The following USP28 variants were observed in gnomAD, a reference collection of about 807,000 sequenced individuals.
The protein encoded by USP28 is ubiquitin specific peptidase 28.
A neutral mutation model predicts 145.0 loss-of-function variants in USP28; 113 were observed. The ratio of observed to expected loss-of-function variants is 0.78; its 90% CI spans 0.67 to 0.91. The LOEUF is 0.91. Ranked by LOEUF, USP28 falls within the 40% of genes least tolerant of loss-of-function variation. The probability of loss-of-function intolerance (pLI) is 0.00; values close to 1 mark genes in which losing one functional copy is unlikely to be tolerated. For synonymous variants in USP28, 447 were observed against 450.9 expected, an observed-to-expected ratio of 0.99 and a Z score of 0.11; for missense variants, 1,201 against 1,289.6, an observed-to-expected ratio of 0.93 and a Z score of 1.05.
chr11:113,839,571 AAAT>A (rs1490819033), intron 5 of USP28, among the ~76,000 whole-genome samples: 2 of 151,968 alleles, frequency 1.3e-5, no homozygotes, highest in African/African-American at 4.8e-5. Flanking sequence ...ATAACTAAAT[AAAT>A]AATAAAAATA....
At chr11:113,837,308 T>C (rs935905105) in intron 5 of USP28, among the ~76,000 whole-genome samples, 1 of 152,216 alleles carries the variant, frequency 6.6e-6, no homozygotes, top group African/African-American at 2.4e-5. Context: ...ATAGAGCAGG[T>C]GTTCAATTGT....
chr11:113,848,460 T>C (rs1355465582), intron 3 of USP28, among the ~76,000 whole-genome samples: 1 of 152,158 alleles, frequency 6.6e-6, no homozygotes, highest in Non-Finnish European at 1.5e-5. Flanking sequence ...CAAAGCCTTA[T>C]GTACACCAGT....
At position 113,823,619 on chromosome 11, in the gene USP28, C is replaced by T. The variant is rs932832262; in HGVS notation, c.1269G>A (p.Gln423=). ...CCAAAACTCACCTTTCCAATTTTTGCTGCAGAATTTTTATTTCCTCCTTCA... is the reference window on the plus strand; with the variant it reads ...CCAAAACTCACCTTTCCAATTTTTGTTGCAGAATTTTTATTTCCTCCTTCA... Residue 423 remains glutamine (Q), a synonymous_variant, in exon 12 of 25, where the codon CAG becomes CAA. Coordinates refer to ENST00000003302, the Ensembl canonical transcript of USP28. The T allele has an allele frequency of 4.3e-6, 7 of 1,611,360 alleles. No individual in the cohort carries two copies. The Admixed American group carries it at 5.0e-5, about 12-fold the overall frequency.
At chr11:113,818,359 G>A (rs1288172495) in intron 12 of USP28, among the ~76,000 whole-genome samples, 3 of 151,848 alleles carry the variant, frequency 2.0e-5, no homozygotes, top group African/African-American at 7.3e-5. Flanking sequence ...CACTGTATTA[G>A]CCAGGATGGT....
exon 12 of USP28, chr11:113,823,643 C>G: frequency 6.2e-7 from 1 of 1,612,656 alleles, no homozygotes; most frequent in Non-Finnish European, 8.5e-7. Flanking sequence ...TTTCCTCCTT[C>G]AACTTTCGAA....
At position 113,830,849 on chromosome 11, in the gene USP28, T is replaced by A; in HGVS notation, c.910+18A>T. ...ATGATCAAAGGTCTAGAATTAAAAT[T>A]CAGAGCAGAGAATTTACCTTCACGA... On this transcript the variant is annotated intron_variant, in intron 9 of 24. Transcript: ENST00000003302. 6.2e-7 allele frequency: 1 copy of A among 1,611,576 alleles called. No homozygotes were observed. The highest frequency in any genetic ancestry group is 8.5e-7 in the Non-Finnish European group (1 of 1,177,930).
intron 3 of USP28, among the ~76,000 whole-genome samples, chr11:113,848,470 T>G (rs1946118791): frequency 6.6e-6 from 1 of 151,150 alleles, no homozygotes; most frequent in Non-Finnish European, 1.5e-5. Flanking sequence ...TGTACACCAG[T>G]GGTGAAGGGG....
At position 113,848,173 on chromosome 11, in the gene USP28, TAC is replaced by T. The variant is rs146206166; in HGVS notation, c.268+4326_268+4327del. Among the ~76,000 whole-genome samples, 1,422 of 152,308 alleles carry T rather than the reference TAC, an allele frequency of 9.3e-3. 22 individuals are homozygous for T. Among genetic ancestry groups the T allele is most frequent in the African/African-American group, 0.031 (1,287 of 41,566 alleles). ...TTGATACTGCAGATCAGTGGGGAATTACAGTCTTTCAATTAAACATACTGATT... is the reference window on the plus strand; with the variant it reads ...TTGATACTGCAGATCAGTGGGGAATTAGTCTTTCAATTAAACATACTGATT... On this transcript the variant is annotated intron_variant, in intron 3 of 24. Transcript: ENST00000003302.
chr11:113,825,398 T>C (rs1003034391), intron 11 of USP28, among the ~76,000 whole-genome samples: 4 of 152,194 alleles, frequency 2.6e-5, no homozygotes, highest in African/African-American at 4.8e-5. Context: ...CACACACTGC[T>C]AGAGGGAATG....
exon 25 of USP28, chr11:113,798,079 T>TTTG (rs929288353): frequency 6.9e-6 from 1 of 145,436 alleles, no homozygotes; most frequent in Non-Finnish European, 1.5e-5. Flanking sequence ...TTTTTTTTTT[T>TTTG]TTTTTTTTTT....
At chr11:113,803,996 TAACA>T in intron 21 of USP28, 119 bp from the exon 23 acceptor site, 1 of 814,200 alleles carries the variant, frequency 1.2e-6, no homozygotes. Flanking sequence ...GCCACAAAAA[TAACA>T]AACAAAAGCT....
intron 12 of USP28, among the ~76,000 whole-genome samples, chr11:113,822,267 T>A (rs563204071): frequency 1.3e-5 from 2 of 152,208 alleles, no homozygotes; most frequent in East Asian, 3.9e-4. Flanking sequence ...CTGGCCAACA[T>A]GGTGAAACCT....
Position 113,808,422 on chromosome 11 carries a change from G to A in USP28, c.2180C>T (p.Ser727Phe), listed in dbSNP as rs770410924. 5 of 1,614,096 alleles carry A rather than the reference G, an allele frequency of 3.1e-6. No homozygotes were observed. In the South Asian group the frequency reaches 4.4e-5, roughly 14 times the overall value. ...CGACAAGCAGCGAACCCCATGAGAA[G>A]AGGCTACTGAAGGCTCTGATAAAGA... The change falls in exon 18 of 25, where the codon TCT becomes TTT. Residue 727 changes from serine to phenylalanine, a missense_variant. Coordinates refer to ENST00000003302, the Ensembl canonical transcript of USP28.
At chr11:113,838,844 G>A (rs1185188842) in intron 5 of USP28, among the ~76,000 whole-genome samples, 2 of 152,248 alleles carry the variant, frequency 1.3e-5, no homozygotes, top group Admixed American at 6.5e-5. Flanking sequence ...GACAGTGCCA[G>A]GCACATAGAA....
intron 5 of USP28, among the ~76,000 whole-genome samples, chr11:113,840,111 C>T (rs1945031816): frequency 6.6e-6 from 1 of 152,204 alleles, no homozygotes; most frequent in Admixed American, 6.5e-5. Context: ...CTATAATCCA[C>T]CTGGTTACTC....
At chr11:113,848,758 A>C (rs1946145567) in intron 3 of USP28, among the ~76,000 whole-genome samples, 1 of 152,202 alleles carries the variant, frequency 6.6e-6, no homozygotes, top group African/African-American at 2.4e-5. Context: ...GAAGGCATGT[A>C]AACTTGTCCT....
chr11:113,851,733 G>A (rs539086990), intron 3 of USP28, among the ~76,000 whole-genome samples: 4 of 150,132 alleles, frequency 2.7e-5, no homozygotes, highest in South Asian at 2.1e-4. Flanking sequence ...TGCGGTGAGC[G>A]CAGATCGCGC....
chr11:113,827,656 G>A (rs775231830), intron 10 of USP28, among the ~76,000 whole-genome samples: 7 of 152,116 alleles, frequency 4.6e-5, no homozygotes, highest in South Asian at 2.1e-4. Flanking sequence ...TATGTGAACC[G>A]CACTAAGCAT....
intron 1 of USP28, among the ~76,000 whole-genome samples, chr11:113,858,924 T>C (rs1486384774): frequency 6.6e-6 from 1 of 152,212 alleles, no homozygotes; most frequent in African/African-American, 2.4e-5. Context: ...TCTAATTGTT[T>C]TAAATATGAA....
Sources: gnomAD v4.1 joint callset for allele counts (sites outside exome capture counted in the v4.1 genomes callset) on GRCh38, gnomAD v4.1.1 for gene constraint, MANE v1.5 for transcripts, NCBI Gene and HGNC (gene_info 2026-07-23, HGNC 2026-07-21) for gene names.